Variants in CCDC171 observed in about 807,000 individuals in gnomAD.
CCDC171 encodes coiled-coil domain containing 171, also known as coiled-coil domain-containing protein 171.
In CCDC171, 177 loss-of-function variants were observed where a neutral mutation model predicts 168.2. The ratio of observed to expected loss-of-function variants is 1.05; its 90% confidence interval spans 0.93 to 1.19. The LOEUF (loss-of-function observed/expected upper bound fraction) is 1.19, where lower values mean the gene tolerates loss of function less well. Ranked by LOEUF, CCDC171 falls within the 50% of genes most tolerant of loss-of-function variation. CCDC171 has a pLI of 0.00. For synonymous variants in CCDC171, 687 were observed against 540.8 expected, an observed-to-expected ratio of 1.27 and a Z score of -3.75; for missense variants, 1,991 against 1,539.0, an observed-to-expected ratio of 1.29 and a Z score of -4.91.
intron 19 of CCDC171, among the ~76,000 whole-genome samples, chr9:15,778,340 A>AAAAT (rs2057454989): frequency 9.9e-6 from 1 of 101,158 alleles, no homozygotes; most frequent in African/African-American, 3.8e-5. Context: ...AAAAAAAAAA[A>AAAAT]AAAAAAAAAA....
rs189489705 is a variant in CCDC171 at position 15,576,623 on chromosome 9, A to G, written c.178-2226A>G. ...ATGCCAGGAAAGTGCTAGTATTTTG[A>G]CCTTATGAAATGATTGTAGGCTAAT... On this transcript the variant is annotated intron_variant, in intron 3 of 25. Transcript: ENST00000380701. Among the ~76,000 whole-genome samples the G allele has an allele frequency of 2.0e-4, 30 of 152,198 alleles. 1 individual carries two copies. The highest frequency in any genetic ancestry group is 1.3e-4 in the Admixed American group (2 of 15,280).
At chr9:15,595,910 A>T (rs1021713522) in intron 6 of CCDC171, among the ~76,000 whole-genome samples, 1 of 152,096 alleles carries the variant, frequency 6.6e-6, no homozygotes, top group Non-Finnish European at 1.5e-5. Context: ...GATGATGAGC[A>T]TTTTTTCATG....
intron 11 of CCDC171, among the ~76,000 whole-genome samples, chr9:15,711,762 T>C (rs945284809): frequency 6.6e-6 from 1 of 152,222 alleles, no homozygotes; most frequent in African/African-American, 2.4e-5. Context: ...GGCACTATTG[T>C]AAAGTTGAGA....
intron 25 of CCDC171, among the ~76,000 whole-genome samples, chr9:15,940,167 T>C (rs183818508): frequency 6.6e-6 from 1 of 151,944 alleles, no homozygotes; most frequent in Non-Finnish European, 1.5e-5. Flanking sequence ...AAATTATCTT[T>C]GAAATAATGA....
At chr9:15,606,482 C>G (rs971467734) in intron 6 of CCDC171, among the ~76,000 whole-genome samples, 3 of 152,124 alleles carry the variant, frequency 2.0e-5, no homozygotes, top group Admixed American at 6.5e-5. Flanking sequence ...ACTTTGCTAG[C>G]CTTGGGGACT....
chr9:15,863,378 A>G (rs2061641797), intron 23 of CCDC171, among the ~76,000 whole-genome samples: 1 of 151,998 alleles, frequency 6.6e-6, no homozygotes, highest in Non-Finnish European at 1.5e-5. Flanking sequence ...GATATGTGCC[A>G]TTGCATCAGT....
chr9:15,582,614 G>A (rs1394388193), intron 4 of CCDC171, among the ~76,000 whole-genome samples: 1 of 152,140 alleles, frequency 6.6e-6, no homozygotes, highest in Non-Finnish European at 1.5e-5. Flanking sequence ...AAAAAAGGAT[G>A]AGTTCATGTC....
At chr9:16,096,740 C>T in the CCDC171 span, among the ~76,000 whole-genome samples, 37 of 152,300 alleles carry the variant, frequency 2.4e-4, no homozygotes, top group Non-Finnish European at 3.8e-4. Flanking sequence ...TTTCCTCATC[C>T]ACTTGGGGCT....
the CCDC171 span, among the ~76,000 whole-genome samples, chr9:16,086,197 C>T: frequency 6.6e-6 from 1 of 152,064 alleles, no homozygotes; most frequent in African/African-American, 2.4e-5. Flanking sequence ...TGTATGCATC[C>T]AGGAATTTAT....
chr9:15,569,763 C>T (rs1281898899), intron 2 of CCDC171, among the ~76,000 whole-genome samples: 4 of 150,390 alleles, frequency 2.7e-5, no homozygotes, highest in South Asian at 2.1e-4. Flanking sequence ...TGCAGTGAGC[C>T]GAGATCGTGC....
At chr9:16,083,457 C>G in the CCDC171 span, among the ~76,000 whole-genome samples, 12 of 152,236 alleles carry the variant, frequency 7.9e-5, no homozygotes, top group South Asian at 2.5e-3. Context: ...AATATTTCCT[C>G]TTGAAATTGT....
rs758471755 is a variant in CCDC171, at chr9:15,578,905, A to G, written c.234A>G (p.Glu78=). Residue 78 remains glutamate, a synonymous_variant, in exon 4 of 26, where the codon GAA becomes GAG. Coordinates refer to ENST00000380701, the MANE Select transcript of CCDC171 (RefSeq NM_173550.4). ...AKLRSEVEKG[E]ALRQSLEYDL... is the part of the protein sequence containing the mutation. Reference sequence around the variant, plus strand: ...TACGGTCCGAGGTTGAAAAGGGAGAAGCATTGCGACAAAGTCTGGAATATG... The same window carrying G: ...TACGGTCCGAGGTTGAAAAGGGAGAGGCATTGCGACAAAGTCTGGAATATG... 1 of 1,613,946 alleles carries G rather than the reference A, an allele frequency of 6.2e-7. No individual in the cohort carries two copies. The highest frequency in any genetic ancestry group is 1.1e-5 in the South Asian group (1 of 91,052).
chr9:15,951,392 T>C (rs535241665), intron 25 of CCDC171, among the ~76,000 whole-genome samples: 22 of 152,280 alleles, frequency 1.4e-4, no homozygotes, highest in South Asian at 4.1e-4. Flanking sequence ...TTTAATTTCT[T>C]GAGGAGCTAC....
intron 18 of CCDC171, among the ~76,000 whole-genome samples, chr9:15,746,996 T>TA (rs1487677462): frequency 1.3e-5 from 2 of 152,186 alleles, no homozygotes; most frequent in Non-Finnish European, 2.9e-5. Context: ...CCCAGCAAGC[T>TA]AAAATCCATT....
the CCDC171 span, among the ~76,000 whole-genome samples, chr9:16,067,342 A>G: frequency 5.3e-5 from 8 of 151,794 alleles, no homozygotes; most frequent in Non-Finnish European, 1.2e-4. Flanking sequence ...GTTTGAGTTC[A>G]TTGTAGATTC....
intron 9 of CCDC171, among the ~76,000 whole-genome samples, chr9:15,667,639 G>A (rs1437838002): frequency 6.6e-6 from 1 of 151,862 alleles, no homozygotes; most frequent in East Asian, 1.9e-4. Context: ...GAGGGAGACT[G>A]CATCTCAAAA....
At chr9:15,824,331 A>T (rs1266751869) in intron 21 of CCDC171, among the ~76,000 whole-genome samples, 2 of 151,980 alleles carry the variant, frequency 1.3e-5, no homozygotes, top group East Asian at 3.8e-4. Context: ...ATACATTTAC[A>T]TATGTATTAA....
In CCDC171 at chr9:15,883,175, C is replaced by T. The variant is rs568286335; in HGVS notation, c.3600+8512C>T. 457 of 287,538 alleles carry T rather than the reference C, an allele frequency of 1.6e-3. 2 individuals are homozygous for T. The highest frequency in any genetic ancestry group is 2.6e-3 in the Non-Finnish European group (363 of 141,122). 17.8% of individuals were successfully genotyped at this position (287,538 alleles called of 1,614,324 possible). Reference sequence around the variant, plus strand: ...TGCTGAGTACCTAGGACCACAGGTGCGCACCACCATACCCAGGTAATATTT... The same window carrying T: ...TGCTGAGTACCTAGGACCACAGGTGTGCACCACCATACCCAGGTAATATTT... On this transcript the variant is annotated intron_variant, in intron 24 of 25. Coordinates refer to ENST00000380701, the MANE Select transcript of CCDC171 (RefSeq NM_173550.4).
At chr9:15,626,098 A>C (rs539135755) in intron 7 of CCDC171, among the ~76,000 whole-genome samples, 2 of 152,144 alleles carry the variant, frequency 1.3e-5, no homozygotes, top group South Asian at 4.2e-4. Context: ...TGGGAGTTCC[A>C]CTCATGATAT....
Sources: gnomAD v4.1 joint callset for allele counts (sites outside exome capture counted in the v4.1 genomes callset) on GRCh38, gnomAD v4.1.1 for gene constraint, MANE v1.5 for transcripts, NCBI Gene and HGNC (gene_info 2026-07-23, HGNC 2026-07-21) for gene names.